EPHX2: variants seen among roughly 807,000 people sequenced by gnomAD.
The protein encoded by EPHX2 is bifunctional epoxide hydrolase 2.
Under a neutral mutation model 78.7 loss-of-function variants are expected in EPHX2, and 74 were observed. The ratio of observed to expected loss-of-function variants is 0.94; its 90% CI spans 0.78 to 1.14. The LOEUF is 1.14. Among genes scored for constraint, EPHX2 ranks in the 50% most tolerant of loss-of-function variants. EPHX2 has a pLI of 0.00. For missense variants in EPHX2, 715 were observed against 702.5 expected, an observed-to-expected ratio of 1.02 and a Z score of -0.20; for synonymous variants, 251 against 255.2, an observed-to-expected ratio of 0.98 and a Z score of 0.16.
chr8:27,516,139 A>G (rs574653986), intron 7 of EPHX2, among the ~76,000 whole-genome samples, 181 bp from the exon 8 acceptor site: 1 of 152,250 alleles, frequency 6.6e-6, no homozygotes, highest in South Asian at 2.1e-4. Flanking sequence ...GTGCCCCACC[A>G]CCGTCCACAG....
In EPHX2 at chr8:27,541,620, T is replaced by C. The variant is rs865834998; in HGVS notation, c.1449+78T>C. Reference sequence around the variant, plus strand: ...GGCTTCCCATTGGCCTGAGCTGATATGACCTGGGCCAGAGCTGGTTGTGGA... The same window carrying C: ...GGCTTCCCATTGGCCTGAGCTGATACGACCTGGGCCAGAGCTGGTTGTGGA... On this transcript the variant is annotated intron_variant, in intron 16 of 18. Coordinates refer to ENST00000521400, the MANE Select transcript of EPHX2 (RefSeq NM_001979.6). 5.3e-6 allele frequency: 8 copies of C among 1,496,782 alleles called. No individual in the cohort carries two copies. The East Asian group carries it at 6.8e-5, about 13-fold the overall frequency. The allele number at this position is 1,496,782 out of a possible 1,614,324, so 92.7% of individuals were successfully genotyped here.
intron 1 of EPHX2, 85 bp downstream of exon 1, chr8:27,491,394 G>C (rs1313576275): frequency 1.9e-6 from 2 of 1,054,380 alleles, no homozygotes; most frequent in African/African-American, 3.4e-5. Flanking sequence ...CTTTCAGATT[G>C]CTCCTGTGCC....
chr8:27,535,627 C>T (rs991865945), intron 12 of EPHX2, among the ~76,000 whole-genome samples: 6 of 152,086 alleles, frequency 3.9e-5, no homozygotes, highest in East Asian at 1.9e-4. Context: ...TCTTATGCTC[C>T]AAAAAGCCAT....
rs746364643 is a variant in EPHX2, at chr8:27,522,372, C to A, written c.973-51C>A. ...GGCTGATGGCCGAACCTCTCAGCAC[C>A]CCGTTCCAGAAGCCTCCCCACATTC... On this transcript the variant is annotated intron_variant, in intron 10 of 18. Coordinates refer to ENST00000521400, the MANE Select transcript of EPHX2 (RefSeq NM_001979.6). 6 of 1,591,868 alleles carry A rather than the reference C, an allele frequency of 3.8e-6. No individual in the cohort carries two copies. In the South Asian group the frequency reaches 6.7e-5, roughly 18 times the overall value.
chr8:27,542,071 A>T (rs1184855968), intron 16 of EPHX2, among the ~76,000 whole-genome samples: 1 of 152,070 alleles, frequency 6.6e-6, no homozygotes, highest in Non-Finnish European at 1.5e-5. Flanking sequence ...AAATGTTTAA[A>T]AATCTAAGGG....
intron 12 of EPHX2, among the ~76,000 whole-genome samples, chr8:27,530,925 G>A (rs867318233): frequency 6.6e-5 from 10 of 151,854 alleles, no homozygotes; most frequent in Admixed American, 1.3e-4. Context: ...CACCACGCAC[G>A]GCTAATTTTG....
At chr8:27,495,339 G>C (rs1813534748) in intron 1 of EPHX2, among the ~76,000 whole-genome samples, 1 of 152,192 alleles carries the variant, frequency 6.6e-6, no homozygotes, top group Admixed American at 6.5e-5. Context: ...TTCAAGTACT[G>C]TTACATCACT....
At chr8:27,535,208 C>T (rs1041666226) in intron 12 of EPHX2, among the ~76,000 whole-genome samples, 32 of 152,000 alleles carry the variant, frequency 2.1e-4, no homozygotes, top group African/African-American at 7.7e-4. Context: ...CAGAGTTTCG[C>T]TCTTTTTGCC....
At chr8:27,521,745 C>G (rs1814654849) in intron 10 of EPHX2, among the ~76,000 whole-genome samples, 1 of 152,228 alleles carries the variant, frequency 6.6e-6, no homozygotes, top group South Asian at 2.1e-4. Flanking sequence ...AGACTTCTGT[C>G]TAGAAGCGTG....
At position 27,526,891 on chromosome 8, in the gene EPHX2, C is replaced by T. The variant is rs560507792; in HGVS notation, c.1170+1418C>T. ...TCAGCCTCCTGAGTAGCTGAGACTA[C>T]GGGTGTGTGCCCCCACACCTGGCTC... On this transcript the variant is annotated intron_variant, in intron 12 of 18. Transcript: ENST00000521400. 8.5e-5 allele frequency among the ~76,000 whole-genome samples: 13 copies of T among 152,104 alleles called. No homozygotes were observed. The South Asian group carries it at 1.2e-3, about 15-fold the overall frequency.
At chr8:27,530,983 G>A (rs371474507) in intron 12 of EPHX2, among the ~76,000 whole-genome samples, 2 of 151,512 alleles carry the variant, frequency 1.3e-5, no homozygotes, top group African/African-American at 4.9e-5. Context: ...GGCTGGTCTC[G>A]AACTCCCACC....
rs560472289 is a variant in EPHX2 at position 27,497,591 on chromosome 8, C to G, written c.102-3335C>G. The stretch of plus-strand genomic sequence containing the variant: ...ATGCCTCCAAATTTTGTTCAGGGCC[C>G]AGGGATAGCTTTTGGAGCTTTTTCC... On this transcript the variant is annotated intron_variant, in intron 1 of 18. Coordinates refer to ENST00000521400, the MANE Select transcript of EPHX2 (RefSeq NM_001979.6). Among the ~76,000 whole-genome samples the G allele has an allele frequency of 1.2e-3, 188 of 152,242 alleles. 3 individuals carry two copies. The South Asian group carries it at 0.015, about 12-fold the overall frequency.
At chr8:27,531,582 CAG>C (rs1270316949) in intron 12 of EPHX2, among the ~76,000 whole-genome samples, 1 of 152,210 alleles carries the variant, frequency 6.6e-6, no homozygotes, top group Admixed American at 6.5e-5. Context: ...GAGCATGAAA[CAG>C]AGTCACTGGC....
chr8:27,492,014 G>T (rs1813398270), intron 1 of EPHX2, among the ~76,000 whole-genome samples: 1 of 150,116 alleles, frequency 6.7e-6, no homozygotes, highest in Non-Finnish European at 1.5e-5. Context: ...CCCACATTCA[G>T]AAAGGAGAGA....
At chr8:27,535,054 G>C (rs970400980) in intron 12 of EPHX2, among the ~76,000 whole-genome samples, 1 of 152,242 alleles carries the variant, frequency 6.6e-6, no homozygotes, top group Non-Finnish European at 1.5e-5. Context: ...GTTTGGGTGC[G>C]TGCAGGTGGG....
At position 27,544,624 on chromosome 8, in the gene EPHX2, G is replaced by C; in HGVS notation, c.*102G>C. On this transcript the variant is annotated 3_prime_UTR_variant, in exon 19 of 19. Transcript: ENST00000521400. ...GGCCTTACACACATCTTGCATGGAT[G>C]GCAGCATTGTTCTGAAGGGGTTTGC... 1 of 1,166,878 alleles carries C rather than the reference G, an allele frequency of 8.6e-7. No individual in the cohort carries two copies. Among genetic ancestry groups the C allele is most frequent in the Non-Finnish European group, 1.3e-6 (1 of 782,254 alleles). 72.3% of individuals were successfully genotyped at this position (1,166,878 alleles called of 1,614,324 possible).
At chr8:27,513,829 G>C (rs72475832) in intron 6 of EPHX2, among the ~76,000 whole-genome samples, 3,021 of 152,296 alleles carry the variant, frequency 0.02, 96 homozygotes, top group African/African-American at 0.07. Context: ...GGCGAACTAG[G>C]ATCGTTTTTG....
intron 11 of EPHX2, among the ~76,000 whole-genome samples, chr8:27,523,919 C>T (rs1174110479): frequency 6.7e-6 from 1 of 149,354 alleles, no homozygotes; most frequent in Admixed American, 6.7e-5. Context: ...TCAAATTCAC[C>T]CCCTTTTCTA....
chr8:27,542,526 C>T (rs1020244687), intron 16 of EPHX2, among the ~76,000 whole-genome samples: 55 of 152,040 alleles, frequency 3.6e-4, no homozygotes, highest in African/African-American at 1.1e-3. Flanking sequence ...ATCATATGAC[C>T]GATGAAAATG....
Sources: gnomAD v4.1 joint callset for allele counts (sites outside exome capture counted in the v4.1 genomes callset) on GRCh38, gnomAD v4.1.1 for gene constraint, MANE v1.5 for transcripts, NCBI Gene and HGNC (gene_info 2026-07-23, HGNC 2026-07-21) for gene names.